ANXA4: variants seen among roughly 807,000 people sequenced by gnomAD.
ANXA4 encodes the protein 35-beta calcimedin.
Under a neutral mutation model 49.8 loss-of-function variants are expected in ANXA4, and 39 were observed. That is an observed-to-expected ratio of 0.78 (90% CI 0.61 to 1.02). ANXA4 has a LOEUF of 1.02. ANXA4 is among the 50% of genes least tolerant of loss of function. The pLI, the probability that ANXA4 is intolerant of heterozygous loss-of-function variation, is 0.00. For missense variants in ANXA4, 360 were observed against 410.1 expected (o/e 0.88, Z 1.05); for synonymous variants, 134 against 152.5 (o/e 0.88, Z 0.89).
chr2:69,748,902 G>A (rs888638876), intron 1 of ANXA4, among the ~76,000 whole-genome samples: 4 of 151,952 alleles, frequency 2.6e-5, no homozygotes, highest in African/African-American at 7.3e-5. Flanking sequence ...TTGTAGAGAC[G>A]AAGTTTTGCC....
At chr2:69,693,659 A>G (rs57900269) in intron 2 of ANXA4, among the ~76,000 whole-genome samples, 3,057 of 152,230 alleles carry the variant, frequency 0.02, 113 homozygotes, top group African/African-American at 0.069. Flanking sequence ...AGAGGAAGGA[A>G]ATGAAGCAGG....
At chr2:69,818,966 CTG>C (rs1299951988) in intron 10 of ANXA4, among the ~76,000 whole-genome samples, 4 of 152,204 alleles carry the variant, frequency 2.6e-5, no homozygotes, top group Non-Finnish European at 4.4e-5. Flanking sequence ...GCTTGCAAGT[CTG>C]TGAATGGTTA....
Position 69,825,469 on chromosome 2 carries a change from G to C in ANXA4, c.920G>C (p.Gly307Ala). The C allele has an allele frequency of 6.2e-7, 1 of 1,609,064 alleles. No individual in the cohort carries two copies. Among genetic ancestry groups the C allele is most frequent in the Non-Finnish European group, 8.5e-7 (1 of 1,178,032 alleles). ...LYSFIKGDTS[G>A]DYRKVLLVLC... ...CCTATCGAACAGGGTGACACATCTG[G>C]AGACTACAGGAAAGTACTGCTTGTT... The change falls in exon 13 of 13, where the codon GGA becomes GCA. Residue 307 changes from glycine to alanine, a missense_variant. By Grantham distance (60) the Gly-to-Ala change is moderately conservative (BLOSUM62 0). Transcript: ENST00000394295.
chr2:69,792,195 A>G (rs1206335571), intron 3 of ANXA4, among the ~76,000 whole-genome samples: 1 of 152,250 alleles, frequency 6.6e-6, no homozygotes, highest in Non-Finnish European at 1.5e-5. Flanking sequence ...AACACTTGAT[A>G]TTATGAAATA....
chr2:69,738,352 A>T (rs1456418972), upstream of ANXA4, among the ~76,000 whole-genome samples: 2 of 152,168 alleles, frequency 1.3e-5, no homozygotes, highest in African/African-American at 4.8e-5. Context: ...GTGAGTTTGA[A>T]CTTGGCTGCC....
chr2:69,733,206 T>G (rs1269220899), intron 3 of ANXA4, among the ~76,000 whole-genome samples: 1 of 152,234 alleles, frequency 6.6e-6, no homozygotes, highest in African/African-American at 2.4e-5. Context: ...GAATTAGTCT[T>G]AAGATTTACT....
At chr2:69,707,832 C>T (rs900901296) in intron 2 of ANXA4, among the ~76,000 whole-genome samples, 4 of 152,310 alleles carry the variant, frequency 2.6e-5, no homozygotes, top group Admixed American at 1.3e-4. Context: ...CTTATTCGTT[C>T]TATTTTTTTG....
chr2:69,783,356 C>T (rs1234100911), intron 2 of ANXA4, among the ~76,000 whole-genome samples: 2 of 152,128 alleles, frequency 1.3e-5, no homozygotes, highest in Non-Finnish European at 2.9e-5. Flanking sequence ...GCTGGGATTA[C>T]AGGCGCTCGC....
At chr2:69,734,109 C>T (rs1670179110) in intron 3 of ANXA4, among the ~76,000 whole-genome samples, 6 of 152,146 alleles carry the variant, frequency 3.9e-5, no homozygotes, top group Admixed American at 3.9e-4. Context: ...TGGAGGAAGC[C>T]ATCTGGCAAG....
intron 2 of ANXA4, among the ~76,000 whole-genome samples, chr2:69,669,691 ATTC>A (rs911644693): frequency 3.9e-5 from 6 of 152,026 alleles, no homozygotes; most frequent in African/African-American, 1.4e-4. Context: ...TACCTTCTAT[ATTC>A]TTTATTGCAG....
At chr2:69,757,152 C>T (rs1671069035) in intron 1 of ANXA4, among the ~76,000 whole-genome samples, 1 of 148,204 alleles carries the variant, frequency 6.7e-6, no homozygotes, top group South Asian at 2.1e-4. Context: ...TAATCTTGAA[C>T]TCCTAACCTC....
At chr2:69,662,047 T>G (rs1226858424) in intron 2 of ANXA4, among the ~76,000 whole-genome samples, 3 of 152,248 alleles carry the variant, frequency 2.0e-5, no homozygotes, top group African/African-American at 7.2e-5. Context: ...ATCTCATGAT[T>G]TTGTGGGTCT....
chr2:69,770,731 A>T (rs1253466326), intron 1 of ANXA4, among the ~76,000 whole-genome samples: 1 of 152,156 alleles, frequency 6.6e-6, no homozygotes, highest in Non-Finnish European at 1.5e-5. Flanking sequence ...GCACACACAC[A>T]TGCAAACACA....
At chr2:69,711,457 CT>C (rs1454832383) in intron 2 of ANXA4, among the ~76,000 whole-genome samples, 2 of 152,206 alleles carry the variant, frequency 1.3e-5, no homozygotes, top group African/African-American at 4.8e-5. Context: ...AGACTACCCA[CT>C]GTATAAATCC....
chr2:69,741,643 C>T (rs557237929), upstream of ANXA4, among the ~76,000 whole-genome samples: 1 of 152,228 alleles, frequency 6.6e-6, no homozygotes, highest in African/African-American at 2.4e-5. Context: ...CACGACCTGC[C>T]GTTGGGAGAC....
chr2:69,820,176 C>G (rs1283008310), intron 11 of ANXA4, among the ~76,000 whole-genome samples: 1 of 150,030 alleles, frequency 6.7e-6, no homozygotes, highest in Non-Finnish European at 1.5e-5. Flanking sequence ...CCAATTATAA[C>G]AAGACAGAAT....
intron 3 of ANXA4, among the ~76,000 whole-genome samples, chr2:69,796,004 T>C (rs185175987): frequency 6.6e-6 from 1 of 152,252 alleles, no homozygotes; most frequent in East Asian, 1.9e-4. Flanking sequence ...CCCTCCTTCC[T>C]TCAATTTCCA....
intron 2 of ANXA4, among the ~76,000 whole-genome samples, chr2:69,706,865 G>T (rs914263086): frequency 1.3e-5 from 2 of 152,078 alleles, no homozygotes; most frequent in African/African-American, 4.8e-5. Flanking sequence ...TGTATGGATA[G>T]ACCACATAGA....
chr2:69,823,132 G>GA (rs1674317371), intron 12 of ANXA4, among the ~76,000 whole-genome samples: 1 of 150,102 alleles, frequency 6.7e-6, no homozygotes, highest in South Asian at 2.1e-4. Flanking sequence ...ACAAATTATG[G>GA]AAAATCCATA....
Sources: allele counts gnomAD v4.1 joint callset (sites outside exome capture counted in the v4.1 genomes callset), GRCh38; gene constraint gnomAD v4.1.1; transcripts MANE v1.5; gene names NCBI Gene and HGNC (gene_info 2026-07-23, HGNC 2026-07-21).